Variants in GRIK4 observed in about 807,000 individuals in gnomAD.
The protein encoded by GRIK4 is glutamate receptor ionotropic, kainate 4.
A neutral mutation model predicts 104.9 loss-of-function variants in GRIK4; 40 were observed. The ratio of observed to expected loss-of-function variants is 0.38; its 90% confidence interval spans 0.30 to 0.50. The LOEUF (loss-of-function observed/expected upper bound fraction) is 0.50. Among genes scored for constraint, GRIK4 ranks in the 20% least tolerant of loss-of-function variants. The probability of loss-of-function intolerance (pLI) is 0.93; values close to 1 mark genes in which losing one functional copy is unlikely to be tolerated. For synonymous variants in GRIK4, 485 were observed against 524.9 expected, an observed-to-expected ratio of 0.92 and a Z score of 1.04; for missense variants, 1,047 against 1,308.1, an observed-to-expected ratio of 0.80 and a Z score of 3.08.
At chr11:120,979,035 C>G (rs1944607635) in intron 19 of GRIK4, among the ~76,000 whole-genome samples, 1 of 152,270 alleles carries the variant, frequency 6.6e-6, no homozygotes, top group East Asian at 1.9e-4. Context: ...ATAGCAAGAA[C>G]AAAAGTGTAT....
chr11:120,959,342 C>T (rs7106292), intron 16 of GRIK4, among the ~76,000 whole-genome samples: 39,413 of 152,134 alleles, frequency 0.26, 6,215 homozygotes, highest in African/African-American at 0.45. Flanking sequence ...TTGCTTCACT[C>T]CTGGGGAGGC....
intron 3 of GRIK4, among the ~76,000 whole-genome samples, chr11:120,672,960 A>G (rs11217957): frequency 0.16 from 23,678 of 152,064 alleles, 2,008 homozygotes; most frequent in South Asian, 0.23. Context: ...TTCCAATACT[A>G]TGTTGAATAG....
intron 18 of GRIK4, chr11:120,963,014 G>A (rs571662683): frequency 4.4e-5 from 8 of 181,700 alleles, no homozygotes; most frequent in East Asian, 2.8e-4. Flanking sequence ...TCCTTTTCTG[G>A]CTTGCTTCTC....
At chr11:120,558,628 A>C (rs1393757859) in intron 1 of GRIK4, among the ~76,000 whole-genome samples, 3 of 152,206 alleles carry the variant, frequency 2.0e-5, no homozygotes, top group Non-Finnish European at 4.4e-5. Context: ...AAAAACCCTC[A>C]CAGATGTGTT....
At chr11:120,546,940 C>T (rs945597600) in intron 1 of GRIK4, among the ~76,000 whole-genome samples, 3 of 152,224 alleles carry the variant, frequency 2.0e-5, no homozygotes, top group African/African-American at 2.4e-5. Context: ...TGGGGCTGAG[C>T]GCAGCTTAAG....
chr11:120,638,174 C>G (rs1392239060), intron 1 of GRIK4, among the ~76,000 whole-genome samples: 1 of 152,162 alleles, frequency 6.6e-6, no homozygotes, highest in East Asian at 1.9e-4. Context: ...GCCACTATAC[C>G]TGGTCATGTT....
intron 11 of GRIK4, among the ~76,000 whole-genome samples, chr11:120,896,331 A>C (rs1373253697): frequency 1.3e-5 from 2 of 152,204 alleles, no homozygotes; most frequent in African/African-American, 4.8e-5. Context: ...TTTTGGCCTC[A>C]GTTTCCTTAT....
rs1235752111 is a variant in GRIK4 at position 120,694,727 on chromosome 11, GGGGC to G, written c.82+34328_82+34331del. 5.3e-5 allele frequency among the ~76,000 whole-genome samples: 8 copies of G among 152,292 alleles called. No homozygotes were observed. The East Asian group carries it at 1.5e-3, about 29-fold the overall frequency. On this transcript the variant is annotated intron_variant, in intron 3 of 20. Transcript: ENST00000527524. ...CTCCTGGGATGCAGCAGAGCTCCAG[GGGGC>G]CTGGGAGAAGAGGCTGTCTGGAGCC...
chr11:120,668,595 C>T (rs917730931), intron 3 of GRIK4, among the ~76,000 whole-genome samples: 2 of 152,162 alleles, frequency 1.3e-5, no homozygotes, highest in African/African-American at 4.8e-5. Context: ...GTCTCCCTCT[C>T]CTCTCAGTCT....
chr11:120,826,963 G>A (rs972327859), intron 6 of GRIK4, among the ~76,000 whole-genome samples: 1 of 152,136 alleles, frequency 6.6e-6, no homozygotes, highest in Non-Finnish European at 1.5e-5. Flanking sequence ...CCTGGCAGGG[G>A]GAAGGGGAAG....
intron 3 of GRIK4, among the ~76,000 whole-genome samples, chr11:120,700,020 A>G (rs1173680871): frequency 6.6e-6 from 1 of 152,204 alleles, no homozygotes; most frequent in African/African-American, 2.4e-5. Flanking sequence ...ACAGAAATAA[A>G]CTTTATTGTG....
intron 1 of GRIK4, among the ~76,000 whole-genome samples, chr11:120,590,908 C>T (rs866815668): frequency 9.2e-5 from 14 of 152,110 alleles, no homozygotes; most frequent in Non-Finnish European, 1.8e-4. Context: ...AGGGACTTAA[C>T]GAATCCCCGG....
intron 3 of GRIK4, among the ~76,000 whole-genome samples, chr11:120,698,801 G>C (rs1950500676): frequency 6.6e-6 from 1 of 152,152 alleles, no homozygotes; most frequent in East Asian, 1.9e-4. Flanking sequence ...CCACCACCCA[G>C]CAGGGAGGCA....
chr11:120,705,650 G>A (rs1950618676), intron 3 of GRIK4, among the ~76,000 whole-genome samples: 2 of 152,152 alleles, frequency 1.3e-5, no homozygotes, highest in South Asian at 2.1e-4. Flanking sequence ...AAAACGAAAT[G>A]TCTTTTCATT....
chr11:120,823,622 A>T (rs1025868597), intron 6 of GRIK4, among the ~76,000 whole-genome samples: 22 of 152,144 alleles, frequency 1.4e-4, no homozygotes, highest in African/African-American at 1.9e-4. Flanking sequence ...TGGTCTGCAC[A>T]AACAGCCCTG....
At chr11:120,781,044 A>G (rs1952146718) in intron 3 of GRIK4, among the ~76,000 whole-genome samples, 1 of 151,756 alleles carries the variant, frequency 6.6e-6, no homozygotes, top group Non-Finnish European at 1.5e-5. Context: ...ACCTGGCCAC[A>G]TTATCCGTTT....
chr11:120,877,104 T>C (rs1430731560), intron 11 of GRIK4, among the ~76,000 whole-genome samples: 1 of 152,232 alleles, frequency 6.6e-6, no homozygotes, highest in African/African-American at 2.4e-5. Context: ...AGAGTCCTGC[T>C]GCTGACTCTC....
intron 1 of GRIK4, among the ~76,000 whole-genome samples, chr11:120,565,117 C>A (rs1948303749): frequency 6.6e-6 from 1 of 152,176 alleles, no homozygotes; most frequent in Admixed American, 6.5e-5. Flanking sequence ...CGTGGGAGGA[C>A]GGGCTGCGGA....
At chr11:120,824,601 G>A (rs1429427682) in intron 6 of GRIK4, among the ~76,000 whole-genome samples, 1 of 141,240 alleles carries the variant, frequency 7.1e-6, no homozygotes, top group Non-Finnish European at 1.5e-5. Flanking sequence ...CCAGGCTGGA[G>A]TGCAGTGGCG....
Sources: allele counts gnomAD v4.1 joint callset (sites outside exome capture counted in the v4.1 genomes callset), GRCh38; gene constraint gnomAD v4.1.1; transcripts MANE v1.5; gene names NCBI Gene and HGNC (gene_info 2026-07-23, HGNC 2026-07-21).